APBB3: variants seen among roughly 807,000 people sequenced by gnomAD.
APBB3 encodes amyloid-beta A4 precursor protein-binding family B member 3.
A neutral mutation model predicts 61.5 loss-of-function variants in APBB3; 50 were observed. The ratio of observed to expected loss-of-function variants is 0.81; its 90% CI spans 0.65 to 1.03. The LOEUF is 1.03. Ranked by LOEUF, APBB3 falls within the 50% of genes least tolerant of loss-of-function variation. APBB3 has a pLI of 0.00. For synonymous variants in APBB3, 235 were observed against 233.0 expected, an observed-to-expected ratio of 1.01 and a Z score of -0.08; for missense variants, 550 against 637.4, an observed-to-expected ratio of 0.86 and a Z score of 1.48.
At chr5:140,561,196 T>A in intron 9 of APBB3, 95 bp from the exon 10 acceptor site, 1 of 1,512,760 alleles carries the variant, frequency 6.6e-7, no homozygotes, top group Non-Finnish European at 9.1e-7. Flanking sequence ...GAGCTGGTGC[T>A]GGTAGAAGAA....
In APBB3 at chr5:140,560,962, A is replaced by G. The variant is rs991776726; in HGVS notation, c.916+56T>C. 2 of 1,578,158 alleles carry G rather than the reference A, an allele frequency of 1.3e-6. No individual in the cohort carries two copies. The highest frequency in any genetic ancestry group is 1.7e-6 in the Non-Finnish European group (2 of 1,157,086). On this transcript the variant is annotated intron_variant, in intron 10 of 12. Transcript: ENST00000357560. The surrounding 1 kb of genome is among the most constrained non-coding windows in gnomAD (Gnocchi z 5.1). ...GAGAAATGATAACAGGCCTCACCTC[A>G]CTCACCTTCCCCTTGCCTCACACAG...
Position 140,561,347 on chromosome 5 carries a change from G to A in APBB3, c.832+18C>T, listed in dbSNP as rs770462384. Reference sequence around the variant, plus strand: ...CAAAGCACCCCAATGCAGCAATGCAGGTCTCCCCTCCCCATACCTTGCCGT... The same window carrying A: ...CAAAGCACCCCAATGCAGCAATGCAAGTCTCCCCTCCCCATACCTTGCCGT... On this transcript the variant is annotated intron_variant, in intron 9 of 12. Coordinates refer to ENST00000357560, the MANE Select transcript of APBB3 (RefSeq NM_133173.3). 1.1e-5 allele frequency: 18 copies of A among 1,613,822 alleles called. No homozygotes were observed. The highest frequency in any genetic ancestry group is 3.3e-5 in the Admixed American group (2 of 60,026).
rs759708785 is a variant in APBB3 at position 140,561,613 on chromosome 5, T to C, written c.721A>G (p.Ser241Gly). Reference sequence around the variant, plus strand: ...TGGGCACAAAGCCCATGTAGGGCACTGGCAATGGCCTTGGCAGGGACATCA... The same window carrying C: ...TGGGCACAAAGCCCATGTAGGGCACCGGCAATGGCCTTGGCAGGGACATCA... ...CCDVPAKAIA[S>G]ALHGLCAQIL... The change falls in exon 8 of 13, where the codon AGT (serine) becomes GGT (glycine). Residue 241 changes from serine to glycine, a missense_variant. Ser to Gly is a moderately conservative substitution (Grantham distance 56). Around this residue, in one of 3 missense-constraint regions of APBB3, gnomAD observed 405 missense variants for 483.4 expected, o/e 0.84. Transcript: ENST00000357560. 2 of 1,614,246 alleles carry C rather than the reference T, an allele frequency of 1.2e-6. No individual in the cohort carries two copies. The highest frequency in any genetic ancestry group is 4.5e-5 in the East Asian group (2 of 44,880).
Position 140,564,233 on chromosome 5 carries a change from C to T in APBB3, c.13G>A (p.Asp5Asn). Residue 5 changes from aspartate to asparagine, a missense_variant, in exon 1 of 13, where the codon GAT becomes AAT. By Grantham distance (23) the Asp-to-Asn change is conservative (BLOSUM62 1). This residue lies in a region of APBB3 where 405 missense variants were observed against 483.4 expected (regional missense o/e 0.84). Transcript: ENST00000357560. This position sits in a 1 kb window ranked among gnomAD's most constrained non-coding sequence, Gnocchi z 5.0. Reference sequence around the variant, plus strand: ...ACCAGAATGATGGCCAGCATGTAATCCTTGCCCAGCATAACCCCGGCTGCT... The same window carrying T: ...ACCAGAATGATGGCCAGCATGTAATTCTTGCCCAGCATAACCCCGGCTGCT... MLGK[D>N]YMLAIILVNC... 6.2e-7 allele frequency: 1 copy of T among 1,612,818 alleles called. No individual in the cohort carries two copies. The highest frequency in any genetic ancestry group is 8.5e-7 in the Non-Finnish European group (1 of 1,180,040).
chr5:140,558,362 A>T lies in APBB3; in HGVS notation c.*223T>A. 1.5e-6 allele frequency: 1 copy of T among 648,424 alleles called. No homozygotes were observed. The highest frequency in any genetic ancestry group is 1.8e-5 in the South Asian group (1 of 56,448). 40.2% of individuals were successfully genotyped at this position (648,424 alleles called of 1,614,324 possible). ...CCAGGGTTGGACAGGGGCAAGGAACACAAGGACCCAAGGAAAGGGGAGCCA... is the reference window on the plus strand; with the variant it reads ...CCAGGGTTGGACAGGGGCAAGGAACTCAAGGACCCAAGGAAAGGGGAGCCA... On this transcript the variant is annotated 3_prime_UTR_variant, in exon 13 of 13. Transcript: ENST00000357560.
At position 140,564,477 on chromosome 5, in the gene APBB3, C is replaced by A. The variant is rs1755125852; in HGVS notation, c.-232G>T. Reference sequence around the variant, plus strand: ...GCGTGTAAACGGGCGTCTGGATCCCCGAATGGTTGCGTGTTTCCGTGTGTG... The same window carrying A: ...GCGTGTAAACGGGCGTCTGGATCCCAGAATGGTTGCGTGTTTCCGTGTGTG... On this transcript the variant is annotated 5_prime_UTR_variant, in exon 1 of 13. Coordinates refer to ENST00000357560, the MANE Select transcript of APBB3 (RefSeq NM_133173.3). The surrounding 1 kb of genome is among the most constrained non-coding windows in gnomAD (Gnocchi z 5.0). 2 of 580,936 alleles carry A rather than the reference C, an allele frequency of 3.4e-6. No individual in the cohort carries two copies. Among genetic ancestry groups the A allele is most frequent in the Non-Finnish European group, 3.0e-6 (1 of 329,692 alleles). 36.0% of individuals were successfully genotyped at this position (580,936 alleles called of 1,614,324 possible). A position where few individuals can be genotyped will look rare whatever the true frequency, so the allele number is the denominator to read the frequency against.
intron 12 of APBB3, 129 bp from the exon 13 acceptor site, chr5:140,558,950 T>A (rs748302965): frequency 3.5e-5 from 28 of 795,910 alleles, no homozygotes; most frequent in Non-Finnish European, 4.9e-5. Flanking sequence ...ACATGTGGAG[T>A]TTCTAGAGCA....
rs1396091193 is a variant in APBB3 at position 140,564,022 on chromosome 5, T to C, written c.50-107A>G. 1.1e-4 allele frequency: 167 copies of C among 1,494,566 alleles called. No individual in the cohort carries two copies. The highest frequency in any genetic ancestry group is 1.5e-4 in the Non-Finnish European group (163 of 1,106,150). 92.6% of individuals were successfully genotyped at this position (1,494,566 alleles called of 1,614,324 possible). ...CCCCAAAATGGGTCAGTTCTTAGGC[T>C]GAAGATCCAGGCTCCTCAATCTTGA... On this transcript the variant is annotated intron_variant, in intron 1 of 12. Coordinates refer to ENST00000357560, the MANE Select transcript of APBB3 (RefSeq NM_133173.3). The surrounding 1 kb of genome is among the most constrained non-coding windows in gnomAD (Gnocchi z 5.0).
At chr5:140,561,257 A>G in intron 9 of APBB3, 108 bp downstream of exon 9, 1 of 1,478,050 alleles carries the variant, frequency 6.8e-7, no homozygotes, top group South Asian at 1.1e-5. Flanking sequence ...CTGAGACCAG[A>G]CATCTCAGAA....
chr5:140,560,440 C>T lies in APBB3; in HGVS notation c.1097G>A (p.Gly366Asp). Residue 366 changes from glycine (G) to aspartate (D), a missense_variant, in exon 12 of 13, where the codon GGT (glycine) becomes GAT (aspartate). Physicochemically the swap from Gly to Asp is moderately conservative, Grantham distance 94 (BLOSUM62 -1). Transcript: ENST00000357560. This position sits in a 1 kb window ranked among gnomAD's most constrained non-coding sequence, Gnocchi z 5.1. ...QCPVRLVTFI[G>D]VGRDPHTFGL... ...AAAGGTGTGTGGGTCGCGGCCAACA[C>T]CAATAAATGTCACAAGGCGCACAGG... The T allele has an allele frequency of 6.2e-7, 1 of 1,614,198 alleles. No individual in the cohort carries two copies. Among genetic ancestry groups the T allele is most frequent in the Non-Finnish European group, 8.5e-7 (1 of 1,180,036 alleles).
intron 4 of APBB3, 53 bp from the exon 5 acceptor site, chr5:140,562,552 G>T: frequency 3.1e-6 from 5 of 1,610,046 alleles, no homozygotes; most frequent in Non-Finnish European, 4.2e-6. Flanking sequence ...TAGGGTGGCA[G>T]GTGCCACAAT....
intron 5 of APBB3, 40 bp downstream of exon 5, chr5:140,562,313 G>A: frequency 6.2e-7 from 1 of 1,611,730 alleles, no homozygotes; most frequent in Non-Finnish European, 8.5e-7. Flanking sequence ...ACCTCTGCTG[G>A]GCCCTGGGCC....
In APBB3 at chr5:140,562,371, T is replaced by A; in HGVS notation, c.480A>T (p.Pro160=). The change falls in exon 5 of 13, where the codon CCA becomes CCT. Residue 160 remains proline (P), a synonymous_variant. Transcript: ENST00000357560. ...AACTCACCTCACCCCAGGCACCATCTGGAGGCTGGCTCCGGCTGCGGGTCT... is the reference window on the plus strand; with the variant it reads ...AACTCACCTCACCCCAGGCACCATCAGGAGGCTGGCTCCGGCTGCGGGTCT... The part of the protein sequence containing the change: ...LAQTRSRSQP[P]DGAWGEGQNM... 1 of 1,614,130 alleles carries A rather than the reference T, an allele frequency of 6.2e-7. No homozygotes were observed. The highest frequency in any genetic ancestry group is 8.5e-7 in the Non-Finnish European group (1 of 1,180,028).
At chr5:140,559,181 T>G (rs563392058) in intron 12 of APBB3, among the ~76,000 whole-genome samples, 1 of 152,298 alleles carries the variant, frequency 6.6e-6, no homozygotes, top group South Asian at 2.1e-4. Context: ...TCTCTCTGAT[T>G]GCAGAGCCTA....
chr5:140,559,543 A>T (rs941385337), intron 12 of APBB3, among the ~76,000 whole-genome samples: 2 of 151,946 alleles, frequency 1.3e-5, no homozygotes, highest in Admixed American at 1.3e-4. Flanking sequence ...ATTCTCTCTG[A>T]TCTCACCTCT....
chr5:140,562,987 C>G, intron 3 of APBB3: 1 of 469,498 alleles, frequency 2.1e-6, no homozygotes, highest in South Asian at 2.4e-5. Context: ...TGGCTCACGC[C>G]TGTAATCCCA....
chr5:140,558,646 C>A lies in APBB3; in HGVS notation c.1400G>T (p.Arg467Leu). ...GGCATCAAGAAAAGAGAAGACACCC[C>A]GCTTTCGAGGGGTTGCCCCTGCACC... ...VGGAGATPRK[R>L]GVFSFLDAFR... Residue 467 changes from arginine (R) to leucine (L), a missense_variant, in exon 13 of 13, where the codon CGG becomes CTG. Physicochemically the swap from Arg to Leu is moderately radical, Grantham distance 102. Around this residue, in one of 3 missense-constraint regions of APBB3, gnomAD observed 138 missense variants for 132.6 expected, o/e 1.04. Coordinates refer to ENST00000357560, the MANE Select transcript of APBB3 (RefSeq NM_133173.3). 3.1e-6 allele frequency: 5 copies of A among 1,614,178 alleles called. No homozygotes were observed. Among genetic ancestry groups the A allele is most frequent in the Non-Finnish European group, 4.2e-6 (5 of 1,180,016 alleles).
At position 140,564,541 on chromosome 5, in the gene APBB3, A is replaced by T. The variant is rs1755129041; in HGVS notation, c.-296T>A. 1 of 564,436 alleles carries T rather than the reference A, an allele frequency of 1.8e-6. No individual in the cohort carries two copies. The highest frequency in any genetic ancestry group is 3.0e-5 in the East Asian group (1 of 33,568). The allele number at this position is 564,436 out of a possible 1,614,324, so 35.0% of individuals were successfully genotyped here. ...CCCACGAACGCCAGCGAAACCGCTG[A>T]CACCACCGCCCAACTATGAACTCAT... On this transcript the variant is annotated 5_prime_UTR_variant, in exon 1 of 13. Coordinates refer to ENST00000357560, the MANE Select transcript of APBB3 (RefSeq NM_133173.3). This position sits in a 1 kb window ranked among gnomAD's most constrained non-coding sequence, Gnocchi z 5.0.
At position 140,561,855 on chromosome 5, in the gene APBB3, C is replaced by T; in HGVS notation, c.627-6G>A. ...TGGTTTTCACTCACCTGTCACTGTT[C>T]CGGAAGCATGTGGGAGCACAGAAGG... On this transcript the variant is annotated splice_region_variant and splice_polypyrimidine_tract_variant and intron_variant, in intron 6 of 12. Transcript: ENST00000357560. The T allele has an allele frequency of 6.2e-7, 1 of 1,613,656 alleles. No individual in the cohort carries two copies. The highest frequency in any genetic ancestry group is 1.3e-5 in the African/African-American group (1 of 75,036).
Sources: allele counts gnomAD v4.1 joint callset (sites outside exome capture counted in the v4.1 genomes callset), GRCh38; gene constraint gnomAD v4.1.1; regional missense constraint gnomAD v4.1.1; non-coding constraint Gnocchi (gnomAD v3.1); transcripts MANE v1.5; gene names NCBI Gene and HGNC (gene_info 2026-07-23, HGNC 2026-07-21).